The following C4BPA variants were observed in gnomAD, a reference collection of about 807,000 sequenced individuals.
C4BPA encodes complement component 4 binding protein alpha.
A neutral mutation model predicts 63.7 loss-of-function variants in C4BPA; 31 were observed. That is an observed-to-expected ratio of 0.49 (90% confidence interval 0.37 to 0.66). C4BPA has a LOEUF of 0.66. C4BPA is among the 30% of genes least tolerant of loss of function. C4BPA has a pLI of 0.00. For synonymous variants in C4BPA, 259 were observed against 254.7 expected, an observed-to-expected ratio of 1.02 and a Z score of -0.16; for missense variants, 572 against 723.3, an observed-to-expected ratio of 0.79 and a Z score of 2.40.
rs1056067080 is a variant in C4BPA at position 207,113,186 on chromosome 1, G to A, written c.142+19G>A. The A allele has an allele frequency of 1.2e-5, 19 of 1,600,252 alleles. No homozygotes were observed. Among genetic ancestry groups the A allele is most frequent in the South Asian group, 1.0e-4 (9 of 88,570 alleles). ...GTTCTTGGTGAGTAGTGGGAAACAA[G>A]CTCAAATCAGCAACAAACAATGAAG... On this transcript the variant is annotated intron_variant, in intron 2 of 11. Transcript: ENST00000367070.
intron 9 of C4BPA, among the ~76,000 whole-genome samples, chr1:207,137,617 T>C (rs977553758): frequency 2.6e-5 from 4 of 152,114 alleles, no homozygotes; most frequent in East Asian, 3.9e-4. Context: ...TTTTGTTTTG[T>C]TTTGTTTTGT....
intron 9 of C4BPA, among the ~76,000 whole-genome samples, chr1:207,138,871 C>A (rs1685350659): frequency 6.6e-6 from 1 of 152,106 alleles, no homozygotes; most frequent in South Asian, 2.1e-4. Flanking sequence ...GAACCTTGGA[C>A]CTCTGAAAAT....
At chr1:207,109,758 T>A (rs1210729039) in intron 1 of C4BPA, among the ~76,000 whole-genome samples, 2 of 152,250 alleles carry the variant, frequency 1.3e-5, no homozygotes, top group African/African-American at 4.8e-5. Flanking sequence ...AGTTTTTGCC[T>A]ACTGCTTCCC....
chr1:207,106,462 C>T lies in C4BPA; in HGVS notation c.-26+2032C>T, dbSNP rs1285615093. On this transcript the variant is annotated intron_variant, in intron 1 of 11. Coordinates refer to ENST00000367070, the MANE Select transcript of C4BPA (RefSeq NM_000715.4). Reference sequence around the variant, plus strand: ...GTAAGTTTTTTTTTTTTTTTTGAAACGGAGTCTCGCTTTGTTGCCCAGACT... The same window carrying T: ...GTAAGTTTTTTTTTTTTTTTTGAAATGGAGTCTCGCTTTGTTGCCCAGACT... 1.2e-4 allele frequency among the ~76,000 whole-genome samples: 11 copies of T among 93,940 alleles called. No homozygotes were observed. The South Asian group carries it at 1.2e-3, about 10-fold the overall frequency. The allele number at this position is 93,940 out of a possible 152,430, so 61.6% of individuals were successfully genotyped here. A position where few individuals can be genotyped will look rare whatever the true frequency, so the allele number is the denominator to read the frequency against.
chr1:207,136,323 G>T (rs147993430), intron 9 of C4BPA, among the ~76,000 whole-genome samples: 3,123 of 152,266 alleles, frequency 0.021, 79 homozygotes, highest in Middle Eastern at 0.054. Context: ...AACTGGCTGA[G>T]ACTTTTTTAC....
chr1:207,139,662 G>T (rs1216211852), intron 9 of C4BPA, among the ~76,000 whole-genome samples: 3 of 152,140 alleles, frequency 2.0e-5, no homozygotes, highest in African/African-American at 7.2e-5. Flanking sequence ...AATGGTTCCA[G>T]GTATCAATGT....
intron 9 of C4BPA, among the ~76,000 whole-genome samples, chr1:207,137,716 C>A (rs1685317320): frequency 6.6e-6 from 1 of 152,148 alleles, no homozygotes; most frequent in South Asian, 2.1e-4. Flanking sequence ...CTCCTGGGTT[C>A]AAGAGATTCT....
In C4BPA at chr1:207,131,549, G is replaced by T; in HGVS notation, c.893G>T (p.Ser298Ile). The T allele has an allele frequency of 6.2e-7, 1 of 1,602,704 alleles. No individual in the cohort carries two copies. Among genetic ancestry groups the T allele is most frequent in the Non-Finnish European group, 8.5e-7 (1 of 1,170,570 alleles). The change falls in exon 8 of 12, where the codon AGT becomes ATT. Residue 298 changes from serine to isoleucine, a missense_variant. Ser to Ile is a moderately radical substitution (Grantham distance 142, BLOSUM62 -2). Around this residue, in one of 2 missense-constraint regions of C4BPA, gnomAD observed 465 missense variants for 629.4 expected, o/e 0.74. Transcript: ENST00000367070. The stretch of plus-strand genomic sequence containing the variant: ...CTTCTTCTTCTTTCATGAGTAGATA[G>T]TTGTATTAATTTACCAGACATTCCA... Reference protein sequence around the residue: ...NPSPPACEPNSCINLPDIPHA... With the variant: ...NPSPPACEPNICINLPDIPHA...
Position 207,115,396 on chromosome 1 carries a change from C to T in C4BPA, c.329-20C>T, listed in dbSNP as rs1166497291. 7.2e-7 allele frequency: 1 copy of T among 1,386,002 alleles called. No homozygotes were observed. Among genetic ancestry groups the T allele is most frequent in the Admixed American group, 1.9e-5 (1 of 52,318 alleles). The allele number at this position is 1,386,002 out of a possible 1,614,324, so 85.9% of individuals were successfully genotyped here. On this transcript the variant is annotated intron_variant, in intron 3 of 11. Transcript: ENST00000367070. ...GTGAGTACTTGGAAGTACTAATCAT[C>T]ATTTAAATTTTTCTCCCAGACAAAC...
chr1:207,142,969 G>A (rs1466276818), intron 10 of C4BPA, among the ~76,000 whole-genome samples: 1 of 152,088 alleles, frequency 6.6e-6, no homozygotes, highest in Non-Finnish European at 1.5e-5. Context: ...ATTTGACCCA[G>A]CAATCCCATT....
intron 4 of C4BPA, among the ~76,000 whole-genome samples, chr1:207,122,906 A>G (rs1438295123): frequency 6.6e-6 from 1 of 152,184 alleles, no homozygotes; most frequent in African/African-American, 2.4e-5. Flanking sequence ...ATTTTGTTCT[A>G]CTTGGATTCC....
Position 207,131,721 on chromosome 1 carries a change from C to T in C4BPA, c.1065C>T (p.Thr355=). 1 of 1,612,110 alleles carries T rather than the reference C, an allele frequency of 6.2e-7. No homozygotes were observed. Among genetic ancestry groups the T allele is most frequent in the Non-Finnish European group, 8.5e-7 (1 of 1,179,190 alleles). ...TVICQKNLRW[T]PYQGCEALCC... ...TTTGTCAGAAAAATTTGAGATGGAC[C>T]CCATACCAAGGATGTGAGGGTGAGT... is the stretch of plus-strand genomic sequence containing the variant. The change falls in exon 8 of 12, where the codon ACC becomes ACT. Residue 355 remains threonine, a synonymous_variant. Transcript: ENST00000367070.
intron 9 of C4BPA, among the ~76,000 whole-genome samples, chr1:207,140,041 C>G (rs1442923511): frequency 6.6e-6 from 1 of 152,198 alleles, no homozygotes; most frequent in East Asian, 1.9e-4. Context: ...CTTCATAACT[C>G]TCAGGCACCC....
intron 9 of C4BPA, among the ~76,000 whole-genome samples, chr1:207,136,431 C>T (rs1685280609): frequency 6.6e-6 from 1 of 152,180 alleles, no homozygotes; most frequent in Non-Finnish European, 1.5e-5. Context: ...GTCCACTTAC[C>T]TGCTCCTACC....
intron 6 of C4BPA, 60 bp downstream of exon 6, chr1:207,124,426 A>C: frequency 7.5e-7 from 1 of 1,329,246 alleles, no homozygotes; most frequent in Non-Finnish European, 1.1e-6. Flanking sequence ...TAAAAGAGAA[A>C]GAAAGGTAAA....
At chr1:207,124,670 G>C (rs1684997762) in intron 6 of C4BPA, among the ~76,000 whole-genome samples, 1 of 152,232 alleles carries the variant, frequency 6.6e-6, no homozygotes, top group Non-Finnish European at 1.5e-5. Context: ...ATGTCCAGGA[G>C]ACTCTCCAGG....
In C4BPA at chr1:207,111,083, C is replaced by T. The variant is rs1217962335; in HGVS notation, c.-25-1918C>T. On this transcript the variant is annotated intron_variant, in intron 1 of 11. Transcript: ENST00000367070. ...CTTATTGGGTGGGAGAAATTTGTCA[C>T]ATTTTATGAATTTCACAGATGATGA... Among the ~76,000 whole-genome samples, 6 of 152,180 alleles carry T rather than the reference C, an allele frequency of 3.9e-5. No individual in the cohort carries two copies. In the South Asian group the frequency reaches 1.0e-3, roughly 26 times the overall value.
Position 207,143,855 on chromosome 1 carries a change from G to A in C4BPA, c.1482G>A (p.Leu494=). The A allele has an allele frequency of 6.2e-7, 1 of 1,613,568 alleles. No homozygotes were observed. Among genetic ancestry groups the A allele is most frequent in the Non-Finnish European group, 8.5e-7 (1 of 1,179,614 alleles). Residue 494 remains leucine, a synonymous_variant, in exon 11 of 12, where the codon TTG becomes TTA. Coordinates refer to ENST00000367070, the MANE Select transcript of C4BPA (RefSeq NM_000715.4). The part of the protein sequence containing the change: ...CRKPELVNGR[L]SVDKDQYVEP... The stretch of plus-strand genomic sequence containing the variant: ...AACCAGAATTAGTGAATGGAAGGTT[G>A]TCTGTGGATAAGGATCAGTATGTTG...
intron 4 of C4BPA, 21 bp from the exon 5 acceptor site, chr1:207,123,901 T>A (rs755458581): frequency 6.9e-7 from 1 of 1,456,714 alleles, no homozygotes; most frequent in Non-Finnish European, 9.6e-7. Context: ...TCCATTAAAA[T>A]CTTTGATCTA....
Sources: gnomAD v4.1 joint callset for allele counts (sites outside exome capture counted in the v4.1 genomes callset) on GRCh38, gnomAD v4.1.1 for gene constraint, gnomAD v4.1.1 regional missense constraint, MANE v1.5 for transcripts, NCBI Gene and HGNC (gene_info 2026-07-23, HGNC 2026-07-21) for gene names.